The following SLCO4C1 variants were observed in gnomAD, a reference collection of about 807,000 sequenced individuals.
SLCO4C1 encodes organic anion transporter M1.
In SLCO4C1, 58 loss-of-function variants were observed where a neutral mutation model predicts 72.1. The ratio of observed to expected loss-of-function variants is 0.80; its 90% CI spans 0.65 to 1.00. The LOEUF (loss-of-function observed/expected upper bound fraction) is 1.00. Ranked by LOEUF, SLCO4C1 falls within the 50% of genes least tolerant of loss-of-function variation. SLCO4C1 has a pLI of 0.00. For missense variants in SLCO4C1, 898 were observed against 857.9 expected (o/e 1.05, Z -0.58); for synonymous variants, 297 against 312.5 (o/e 0.95, Z 0.52).
intron 8 of SLCO4C1, among the ~76,000 whole-genome samples, chr5:102,251,660 C>T (rs968762479): frequency 7.3e-5 from 11 of 151,564 alleles, no homozygotes; most frequent in African/African-American, 2.7e-4. Flanking sequence ...TACAGGAGAA[C>T]AATGATGAGT....
At chr5:102,257,818 C>T (rs11746537) in intron 7 of SLCO4C1, 125 bp downstream of exon 7, 189,513 of 846,802 alleles carry the variant, frequency 0.22, 23,791 homozygotes, top group Non-Finnish European at 0.24. Flanking sequence ...CAGGGTTTCA[C>T]CATGTTGGCC....
intron 2 of SLCO4C1, among the ~76,000 whole-genome samples, chr5:102,279,828 T>C (rs529695844): frequency 2.6e-5 from 4 of 152,088 alleles, no homozygotes; most frequent in Middle Eastern, 3.4e-3. Flanking sequence ...CGCATGATCA[T>C]GATCACATGA....
chr5:102,281,132 G>C (rs1749348795), intron 2 of SLCO4C1, among the ~76,000 whole-genome samples: 1 of 152,102 alleles, frequency 6.6e-6, no homozygotes, highest in African/African-American at 2.4e-5. Flanking sequence ...GCAGAGTAGA[G>C]ATCCCAGAAA....
intron 5 of SLCO4C1, among the ~76,000 whole-genome samples, chr5:102,261,461 T>TAA (rs542691491): frequency 1.5e-5 from 2 of 131,026 alleles, no homozygotes; most frequent in East Asian, 2.3e-4. Context: ...TCACATACAG[T>TAA]AAAAAAAAAA....
chr5:102,252,157 A>G (rs1748751244), intron 8 of SLCO4C1, among the ~76,000 whole-genome samples: 1 of 151,756 alleles, frequency 6.6e-6, no homozygotes, highest in East Asian at 1.9e-4. Flanking sequence ...GAAGGGAGGG[A>G]GGAGGAGAAG....
At chr5:102,269,592 C>A (rs1749111054) in intron 3 of SLCO4C1, among the ~76,000 whole-genome samples, 1 of 151,954 alleles carries the variant, frequency 6.6e-6, no homozygotes, top group Non-Finnish European at 1.5e-5. Flanking sequence ...GAATTGTTTC[C>A]TTGATTTCCT....
chr5:102,236,600 GTGTT>G lies in SLCO4C1; in HGVS notation c.*254_*257del, dbSNP rs1467134076. On this transcript the variant is annotated 3_prime_UTR_variant, in exon 13 of 13. Coordinates refer to ENST00000310954, the MANE Select transcript of SLCO4C1 (RefSeq NM_180991.5). ...TGTGTGCGTGTGTGTGTGTGTGTGT[GTGTT>G]CGTGTGTGTGTGTGTGTGTGTGCTC... 1 of 348,196 alleles carries G rather than the reference GTGTT, an allele frequency of 2.9e-6. No individual in the cohort carries two copies. Among genetic ancestry groups the G allele is most frequent in the Non-Finnish European group, 5.1e-6 (1 of 194,726 alleles). 21.6% of individuals were successfully genotyped at this position (348,196 alleles called of 1,614,324 possible).
intron 10 of SLCO4C1, among the ~76,000 whole-genome samples, chr5:102,241,101 G>A (rs1215660498): frequency 6.6e-6 from 1 of 152,046 alleles, no homozygotes; most frequent in Non-Finnish European, 1.5e-5. Flanking sequence ...ATGTATAGAA[G>A]GAGTGTACCT....
intron 8 of SLCO4C1, among the ~76,000 whole-genome samples, chr5:102,256,220 A>AG (rs1181261927): frequency 6.6e-6 from 1 of 152,194 alleles, no homozygotes; most frequent in East Asian, 1.9e-4. Flanking sequence ...AAACAAAAAA[A>AG]GAAAAAAATG....
At position 102,263,775 on chromosome 5, in the gene SLCO4C1, C is replaced by T. The variant is rs867609332; in HGVS notation, c.808G>A (p.Gly270Ser). 1 of 1,611,220 alleles carries T rather than the reference C, an allele frequency of 6.2e-7. No individual in the cohort carries two copies. Among genetic ancestry groups the T allele is most frequent in the Non-Finnish European group, 8.5e-7 (1 of 1,178,204 alleles). ...THKSSLYIGT[G>S]YAMSILGPAI... ...GGGCCTAAGATTGACATAGCATAAC[C>T]GGTTCCTAGAAGAAGAACAGAGACA... Residue 270 changes from glycine (G) to serine (S), a missense_variant, in exon 4 of 13, where the codon GGT (glycine) becomes AGT (serine). Gly to Ser is a moderately conservative substitution (Grantham distance 56, BLOSUM62 0). Transcript: ENST00000310954.
intron 9 of SLCO4C1, 97 bp downstream of exon 9, chr5:102,249,541 G>A: frequency 7.7e-7 from 1 of 1,291,962 alleles, no homozygotes; most frequent in Non-Finnish European, 1.1e-6. Context: ...AATGGAGCAG[G>A]AAGGCAAGAA....
At chr5:102,280,380 C>G (rs562541346) in intron 2 of SLCO4C1, among the ~76,000 whole-genome samples, 89 of 151,624 alleles carry the variant, frequency 5.9e-4, no homozygotes, top group African/African-American at 2.1e-3. Context: ...AAAAGAAATA[C>G]TTAGATGTTA....
At chr5:102,272,944 CAAAAAAAGAAAG>C (rs982106072) in intron 2 of SLCO4C1, among the ~76,000 whole-genome samples, 31 of 146,226 alleles carry the variant, frequency 2.1e-4, no homozygotes, top group Non-Finnish European at 3.7e-4. Context: ...GACTTCATCT[CAAAAAAAGAAAG>C]AAAGAAAGAA....
chr5:102,266,837 A>G (rs1483537397), intron 3 of SLCO4C1, among the ~76,000 whole-genome samples: 4 of 152,118 alleles, frequency 2.6e-5, no homozygotes, highest in Non-Finnish European at 5.9e-5. Flanking sequence ...TTTATCATGA[A>G]GGGATATTGA....
intron 2 of SLCO4C1, among the ~76,000 whole-genome samples, chr5:102,290,361 A>G (rs1158940225): frequency 6.6e-6 from 1 of 152,190 alleles, no homozygotes; most frequent in Non-Finnish European, 1.5e-5. Flanking sequence ...TCTCTTTAAC[A>G]AACAGTTTTG....
At chr5:102,263,412 C>T (rs1748977365) in intron 4 of SLCO4C1, among the ~76,000 whole-genome samples, 1 of 151,814 alleles carries the variant, frequency 6.6e-6, no homozygotes, top group African/African-American at 2.4e-5. Context: ...TGCATGGGGT[C>T]CTACATACTT....
chr5:102,242,854 T>A (rs1279745690), intron 10 of SLCO4C1, among the ~76,000 whole-genome samples: 1 of 152,148 alleles, frequency 6.6e-6, no homozygotes, highest in Non-Finnish European at 1.5e-5. Context: ...TGTCTTACGC[T>A]TTAGGTACCA....
chr5:102,293,189 T>C (rs1749587238), intron 1 of SLCO4C1, among the ~76,000 whole-genome samples: 1 of 152,180 alleles, frequency 6.6e-6, no homozygotes, highest in East Asian at 1.9e-4. Context: ...CAAAATAAAG[T>C]ACCTAAAGTA....
chr5:102,286,828 A>G (rs545489639), intron 2 of SLCO4C1, among the ~76,000 whole-genome samples: 3 of 152,270 alleles, frequency 2.0e-5, no homozygotes, highest in African/African-American at 7.2e-5. Context: ...TTCAAAATAT[A>G]TCTTCTTAAC....
Sources: gnomAD v4.1 joint callset for allele counts (sites outside exome capture counted in the v4.1 genomes callset) on GRCh38, gnomAD v4.1.1 for gene constraint, MANE v1.5 for transcripts, NCBI Gene and HGNC (gene_info 2026-07-23, HGNC 2026-07-21) for gene names.